PRPH: variants seen among roughly 807,000 people sequenced by gnomAD.
PRPH encodes neurofilament 4 (57kD).
Under a neutral mutation model 52.6 loss-of-function variants are expected in PRPH, and 48 were observed. The ratio of observed to expected loss-of-function variants is 0.91; its 90% CI spans 0.72 to 1.16. The LOEUF (loss-of-function observed/expected upper bound fraction) is 1.16, where lower values mean the gene tolerates loss of function less well. Ranked by LOEUF, PRPH falls within the 50% of genes most tolerant of loss-of-function variation. The pLI is 0.00. For synonymous variants in PRPH, 279 were observed against 283.8 expected (o/e 0.98, Z 0.17); for missense variants, 579 against 635.7 (o/e 0.91, Z 0.96).
rs1943207266 is a variant in PRPH at position 49,297,712 on chromosome 12, A to T, written c.1253A>T (p.Asn418Ile). The change falls in exon 7 of 9, where the codon AAT (asparagine) becomes ATT (isoleucine). Residue 418 changes from asparagine (N) to isoleucine (I), a missense_variant. Asn to Ile is a moderately radical substitution (Grantham distance 149). Transcript: ENST00000257860. This position sits in a 1 kb window ranked among gnomAD's most constrained non-coding sequence, Gnocchi z 4.4. The stretch of plus-strand genomic sequence containing the variant: ...CCCGTCCATTCTTTTGCCTCCTTAA[A>T]TATAAAGACGACTGGTGAGTCTGGC... ...SVPVHSFASLNIKTTVPEVEP... is the reference protein window; with the variant it reads ...SVPVHSFASLIIKTTVPEVEP... 1.2e-6 allele frequency: 2 copies of T among 1,609,882 alleles called. No homozygotes were observed. Among genetic ancestry groups the T allele is most frequent in the Non-Finnish European group, 1.7e-6 (2 of 1,177,058 alleles).
chr12:49,297,744 C>T lies in PRPH; in HGVS notation c.1267+18C>T. The T allele has an allele frequency of 1.2e-6, 2 of 1,613,676 alleles. No homozygotes were observed. On this transcript the variant is annotated intron_variant, in intron 7 of 8. Transcript: ENST00000257860. This position sits in a 1 kb window ranked among gnomAD's most constrained non-coding sequence, Gnocchi z 4.4. Reference sequence around the variant, plus strand: ...GACGACTGGTGAGTCTGGCTTACAGCCTGTACCTCTCCTTGTCCACTTCTG... The same window carrying T: ...GACGACTGGTGAGTCTGGCTTACAGTCTGTACCTCTCCTTGTCCACTTCTG...
rs1943185081 is a variant in PRPH at position 49,296,660 on chromosome 12, A to G, written c.702+133A>G. On this transcript the variant is annotated intron_variant, in intron 3 of 8. Coordinates refer to ENST00000257860, the MANE Select transcript of PRPH (RefSeq NM_006262.4). The surrounding 1 kb of genome is among the most constrained non-coding windows in gnomAD (Gnocchi z 5.1). Reference sequence around the variant, plus strand: ...AGACGCAGCCCCTCCACCCTAGTCTACAGGTGGTTAGACTCCCACCCTTGC... The same window carrying G: ...AGACGCAGCCCCTCCACCCTAGTCTGCAGGTGGTTAGACTCCCACCCTTGC... 22 of 1,092,698 alleles carry G rather than the reference A, an allele frequency of 2.0e-5. No individual in the cohort carries two copies. Among genetic ancestry groups the G allele is most frequent in the Non-Finnish European group, 3.0e-5 (22 of 741,810 alleles). 67.7% of individuals were successfully genotyped at this position (1,092,698 alleles called of 1,614,324 possible).
At position 49,297,249 on chromosome 12, in the gene PRPH, C is replaced by G. The variant is rs778838111; in HGVS notation, c.972C>G (p.Cys324Trp). 1 of 1,613,968 alleles carries G rather than the reference C, an allele frequency of 6.2e-7. No homozygotes were observed. Among genetic ancestry groups the G allele is most frequent in the African/African-American group, 1.3e-5 (1 of 75,000 alleles). Reference sequence around the variant, plus strand: ...GACGCCAGATCCAGAGTCTAACGTGCGAGGTGGACGGGCTGCGCGGCACGG... The same window carrying G: ...GACGCCAGATCCAGAGTCTAACGTGGGAGGTGGACGGGCTGCGCGGCACGG... ...ESRRQIQSLTCEVDGLRGTNE... is the reference protein window; with the variant it reads ...ESRRQIQSLTWEVDGLRGTNE... The change falls in exon 5 of 9, where the codon TGC becomes TGG. Residue 324 changes from cysteine to tryptophan, a missense_variant. Cys to Trp is a radical substitution (Grantham distance 215, BLOSUM62 -2). Coordinates refer to ENST00000257860, the MANE Select transcript of PRPH (RefSeq NM_006262.4). This position sits in a 1 kb window ranked among gnomAD's most constrained non-coding sequence, Gnocchi z 4.4.
At position 49,298,455 on chromosome 12, in the gene PRPH, G is replaced by T; in HGVS notation, c.*102G>T. 7.7e-7 allele frequency: 1 copy of T among 1,306,100 alleles called. No homozygotes were observed. The highest frequency in any genetic ancestry group is 1.1e-6 in the Non-Finnish European group (1 of 918,546). 80.9% of individuals were successfully genotyped at this position (1,306,100 alleles called of 1,614,324 possible). ...CCTCTCCCTCTGCATGTGTCTAAAA[G>T]GTGGTACCAGGCATCCCTTTCCTGG... On this transcript the variant is annotated 3_prime_UTR_variant, in exon 9 of 9. Coordinates refer to ENST00000257860, the MANE Select transcript of PRPH (RefSeq NM_006262.4).
rs770247621 is a variant in PRPH, at chr12:49,298,427, T to A, written c.*74T>A. 7 of 1,498,832 alleles carry A rather than the reference T, an allele frequency of 4.7e-6. No individual in the cohort carries two copies. The Admixed American group carries it at 5.1e-5, about 11-fold the overall frequency. 92.8% of individuals were successfully genotyped at this position (1,498,832 alleles called of 1,614,324 possible). A position where few individuals can be genotyped will look rare whatever the true frequency, so the allele number is the denominator to read the frequency against. On this transcript the variant is annotated 3_prime_UTR_variant, in exon 9 of 9. Coordinates refer to ENST00000257860, the MANE Select transcript of PRPH (RefSeq NM_006262.4). Reference sequence around the variant, plus strand: ...AAACCCTAAGACCACTCCTGAATTGTCTCCTCTCCCTCTGCATGTGTCTAA... The same window carrying A: ...AAACCCTAAGACCACTCCTGAATTGACTCCTCTCCCTCTGCATGTGTCTAA...
rs149034561 is a variant in PRPH at position 49,297,189 on chromosome 12, C to T, written c.912C>T (p.Ala304=). 2.3e-5 allele frequency: 37 copies of T among 1,613,908 alleles called. No individual in the cohort carries two copies. The highest frequency in any genetic ancestry group is 8.0e-5 in the African/African-American group (6 of 74,902). ...LSDAANRNHE[A]LRQAKQEMNE... ...ACGCTGCCAACCGGAACCACGAGGC[C>T]CTGCGCCAGGCCAAGCAGGAGATGA... Residue 304 remains alanine, a synonymous_variant, in exon 5 of 9, where the codon GCC becomes GCT. Transcript: ENST00000257860. The surrounding 1 kb of genome is among the most constrained non-coding windows in gnomAD (Gnocchi z 4.4).
intron 8 of PRPH, 76 bp from the exon 9 acceptor site, chr12:49,298,212 G>A: frequency 1.3e-6 from 2 of 1,575,064 alleles, no homozygotes. Flanking sequence ...AGGGAGTGGG[G>A]CTCTATGATC....
Position 49,298,369 on chromosome 12 carries a change from G to A in PRPH, c.*16G>A. 6.2e-7 allele frequency: 1 copy of A among 1,614,064 alleles called. No homozygotes were observed. ...CAGTTACTGAACCCCTTGGTCCGGA[G>A]CCTTGACTCTGCCCTAGGCCTGCTC... On this transcript the variant is annotated 3_prime_UTR_variant, in exon 9 of 9. Coordinates refer to ENST00000257860, the MANE Select transcript of PRPH (RefSeq NM_006262.4).
Position 49,295,189 on chromosome 12 carries a change from TC to T in PRPH, c.-10del. 1 of 1,610,154 alleles carries T rather than the reference TC, an allele frequency of 6.2e-7. No homozygotes were observed. Among genetic ancestry groups the T allele is most frequent in the Non-Finnish European group, 8.5e-7 (1 of 1,179,206 alleles). On this transcript the variant is annotated 5_prime_UTR_variant, in exon 1 of 9. Coordinates refer to ENST00000257860, the MANE Select transcript of PRPH (RefSeq NM_006262.4). ...TAGCTCTGCGAACGGTGACTGCCCA[TC>T]CTTGGCCGCAATGAGCCACCACCCG...
rs1218002916 is a variant in PRPH at position 49,296,433 on chromosome 12, A to G, written c.608A>G (p.Asp203Gly). ...AEHNLVLFRK[D>G]VDDATLSRLE... ...AACCTCCACTGCCACCCCTCGAAGG[A>G]CGTGGACGATGCCACTCTGTCCCGC... The change falls in exon 3 of 9, where the codon GAC (aspartate) becomes GGC (glycine). Residue 203 changes from aspartate (D) to glycine (G), a missense_variant and splice_region_variant. Coordinates refer to ENST00000257860, the MANE Select transcript of PRPH (RefSeq NM_006262.4). This position sits in a 1 kb window ranked among gnomAD's most constrained non-coding sequence, Gnocchi z 5.1. 4 of 1,613,932 alleles carry G rather than the reference A, an allele frequency of 2.5e-6. No individual in the cohort carries two copies. The highest frequency in any genetic ancestry group is 3.4e-6 in the Non-Finnish European group (4 of 1,179,950).
chr12:49,297,562 A>T lies in PRPH; in HGVS notation c.1202A>T (p.Glu401Val). Residue 401 changes from glutamate (E) to valine (V), a missense_variant, in exon 6 of 9, where the codon GAG becomes GTG. By Grantham distance (121) the Glu-to-Val change is moderately radical. Coordinates refer to ENST00000257860, the MANE Select transcript of PRPH (RefSeq NM_006262.4). The surrounding 1 kb of genome is among the most constrained non-coding windows in gnomAD (Gnocchi z 4.4). ...ATCGCCACCTACCGCAAGCTGCTGG[A>T]GGGCGAGGAGAGCCGGTGAGGGTGG... is the stretch of plus-strand genomic sequence containing the variant. ...IEIATYRKLL[E>V]GEESRISVPV... is the part of the protein sequence containing the mutation. 1 of 1,278,178 alleles carries T rather than the reference A, an allele frequency of 7.8e-7. No individual in the cohort carries two copies. Among genetic ancestry groups the T allele is most frequent in the Non-Finnish European group, 1.0e-6 (1 of 984,052 alleles). The allele number at this position is 1,278,178 out of a possible 1,614,324, so 79.2% of individuals were successfully genotyped here.
At position 49,297,175 on chromosome 12, in the gene PRPH, C is replaced by T. The variant is rs1217233140; in HGVS notation, c.898C>T (p.Arg300Trp). 2 of 1,614,026 alleles carry T rather than the reference C, an allele frequency of 1.2e-6. No individual in the cohort carries two copies. Among genetic ancestry groups the T allele is most frequent in the Non-Finnish European group, 1.7e-6 (2 of 1,179,990 alleles). ...KYADLSDAANRNHEALRQAKQ... is the reference protein window; with the variant it reads ...KYADLSDAANWNHEALRQAKQ... The stretch of plus-strand genomic sequence containing the variant: ...CGCGGACCTGTCCGACGCTGCCAAC[C>T]GGAACCACGAGGCCCTGCGCCAGGC... Residue 300 changes from arginine to tryptophan, a missense_variant, in exon 5 of 9, where the codon CGG (arginine) becomes TGG (tryptophan). Transcript: ENST00000257860. This position sits in a 1 kb window ranked among gnomAD's most constrained non-coding sequence, Gnocchi z 4.4.
In PRPH at chr12:49,295,725, C is replaced by A; in HGVS notation, c.525C>A (p.Asp175Glu). Residue 175 changes from aspartate (D) to glutamate (E), a missense_variant, in exon 1 of 9, where the codon GAC (aspartate) becomes GAA (glutamate). Physicochemically the swap from Asp to Glu is conservative, Grantham distance 45. Coordinates refer to ENST00000257860, the MANE Select transcript of PRPH (RefSeq NM_006262.4). Reference protein sequence around the residue: ...VQVERDGLAEDLAALKQRLEE... With the variant: ...VQVERDGLAEELAALKQRLEE... ...TGGAGCGCGACGGGCTGGCGGAGGA[C>A]CTGGCGGCGCTCAAGCAGAGGTCAG... 1 of 1,516,896 alleles carries A rather than the reference C, an allele frequency of 6.6e-7. No homozygotes were observed. Among genetic ancestry groups the A allele is most frequent in the Admixed American group, 2.1e-5 (1 of 47,598 alleles). The allele number at this position is 1,516,896 out of a possible 1,614,324, so 94.0% of individuals were successfully genotyped here. A position where few individuals can be genotyped will look rare whatever the true frequency, so the allele number is the denominator to read the frequency against.
In PRPH at chr12:49,297,450, G is replaced by T. The variant is rs762690778; in HGVS notation, c.1090G>T (p.Glu364Ter). ...YQAGAARLEE[E>*]LRQLKEEMAR... ...GGCGGGCGCTGCGCGGCTCGAGGAG[G>T]AGCTGCGACAGCTAAAAGAGGAGAT... Residue 364 changes from glutamate (E) to a stop codon, truncating the protein, a stop_gained, in exon 6 of 9, where the codon GAG (glutamate) becomes TAG (stop). Transcript: ENST00000257860. LOFTEE classifies it high-confidence loss of function. This position sits in a 1 kb window ranked among gnomAD's most constrained non-coding sequence, Gnocchi z 4.4. 3 of 1,611,388 alleles carry T rather than the reference G, an allele frequency of 1.9e-6. No individual in the cohort carries two copies. Among genetic ancestry groups the T allele is most frequent in the Non-Finnish European group, 2.5e-6 (3 of 1,179,662 alleles).
chr12:49,296,297 C>G lies in PRPH; in HGVS notation c.606+59C>G. 1.3e-6 allele frequency: 2 copies of G among 1,597,028 alleles called. No individual in the cohort carries two copies. The highest frequency in any genetic ancestry group is 1.7e-6 in the Non-Finnish European group (2 of 1,167,658). ...CCACCGCTACCCCCGATCTCAGTAT[C>G]CAGAGGTGGCATCGGTGGGCGCGGG... On this transcript the variant is annotated intron_variant, in intron 2 of 8. Transcript: ENST00000257860. This position sits in a 1 kb window ranked among gnomAD's most constrained non-coding sequence, Gnocchi z 5.1.
rs1359167260 is a variant in PRPH, at chr12:49,295,361, C to T, written c.161C>T (p.Ser54Leu). 4.3e-6 allele frequency: 7 copies of T among 1,609,910 alleles called. No homozygotes were observed. Among genetic ancestry groups the T allele is most frequent in the Non-Finnish European group, 5.9e-6 (7 of 1,179,006 alleles). Residue 54 changes from serine to leucine, a missense_variant, in exon 1 of 9, where the codon TCG (serine) becomes TTG (leucine). By Grantham distance (145) the Ser-to-Leu change is moderately radical (BLOSUM62 -2). Transcript: ENST00000257860. ...CTGGGCTCCGCGTCCCCGAGCTCCT[C>T]GGTGCGCCTGGGCAGCTTCCGTAGC... is the stretch of plus-strand genomic sequence containing the variant. ...RLLGSASPSS[S>L]VRLGSFRSPR... is the part of the protein sequence containing the mutation.
In PRPH at chr12:49,296,358, C is replaced by T; in HGVS notation, c.607-74C>T. Reference sequence around the variant, plus strand: ...TAACCCAGATGCCTCCTGAGGCAGACAGGGAAGGCCTGGTCCTTCCTTGGT... The same window carrying T: ...TAACCCAGATGCCTCCTGAGGCAGATAGGGAAGGCCTGGTCCTTCCTTGGT... On this transcript the variant is annotated intron_variant, in intron 2 of 8. Transcript: ENST00000257860. This position sits in a 1 kb window ranked among gnomAD's most constrained non-coding sequence, Gnocchi z 5.1. The T allele has an allele frequency of 4.5e-6, 7 of 1,570,844 alleles. No individual in the cohort carries two copies. The highest frequency in any genetic ancestry group is 6.1e-6 in the Non-Finnish European group (7 of 1,143,230).
At position 49,296,687 on chromosome 12, in the gene PRPH, C is replaced by A; in HGVS notation, c.702+160C>A. The A allele has an allele frequency of 8.9e-7, 1 of 1,118,162 alleles. No individual in the cohort carries two copies. Among genetic ancestry groups the A allele is most frequent in the Non-Finnish European group, 1.3e-6 (1 of 775,746 alleles). 69.3% of individuals were successfully genotyped at this position (1,118,162 alleles called of 1,614,324 possible). Reference sequence around the variant, plus strand: ...AGGTGGTTAGACTCCCACCCTTGCGCCACCTGGCGGCGGGCAGCGGGGCTG... The same window carrying A: ...AGGTGGTTAGACTCCCACCCTTGCGACACCTGGCGGCGGGCAGCGGGGCTG... On this transcript the variant is annotated intron_variant, in intron 3 of 8. Transcript: ENST00000257860. This position sits in a 1 kb window ranked among gnomAD's most constrained non-coding sequence, Gnocchi z 5.1.
Position 49,297,495 on chromosome 12 carries a change from TACCAGGAGCTCCTCAACGTCA to T in PRPH, c.1137_1157del (p.Tyr379_Lys386delinsTer). ...GGAGATGGCGCGGCACCTGAGGGAG[TACCAGGAGCTCCTCAACGTCA>T]AGATGGCCCTGGACATCGAGATCGC... On this transcript the variant is annotated stop_gained and inframe_deletion, in exon 6 of 9. Coordinates refer to ENST00000257860, the MANE Select transcript of PRPH (RefSeq NM_006262.4). LOFTEE classifies it high-confidence loss of function. This position sits in a 1 kb window ranked among gnomAD's most constrained non-coding sequence, Gnocchi z 4.4. The T allele has an allele frequency of 6.2e-7, 1 of 1,610,768 alleles. No homozygotes were observed. The highest frequency in any genetic ancestry group is 8.5e-7 in the Non-Finnish European group (1 of 1,179,650).
Sources: gnomAD v4.1 joint callset for allele counts on GRCh38, gnomAD v4.1.1 for gene constraint, Gnocchi (gnomAD v3.1) non-coding constraint, MANE v1.5 for transcripts, NCBI Gene and HGNC (gene_info 2026-07-23, HGNC 2026-07-21) for gene names.